Variants in HTR1F observed in about 807,000 individuals in gnomAD.
HTR1F encodes 5-hydroxytryptamine receptor 1F.
In HTR1F, 17 loss-of-function variants were observed where a neutral mutation model predicts 24.0. That is an observed-to-expected ratio of 0.71 (90% CI 0.48 to 1.06). HTR1F has a LOEUF of 1.06. Ranked by LOEUF, HTR1F falls within the 50% of genes least tolerant of loss-of-function variation. The pLI is 0.00. For synonymous variants in HTR1F, 186 were observed against 156.8 expected, an observed-to-expected ratio of 1.19 and a Z score of -1.39; for missense variants, 391 against 427.8, an observed-to-expected ratio of 0.91 and a Z score of 0.76.
intron 2 of HTR1F, among the ~76,000 whole-genome samples, chr3:87,944,781 T>G (rs995169953): frequency 2.2e-4 from 34 of 152,212 alleles, no homozygotes; most frequent in Admixed American, 5.2e-4. Context: ...TTTCTTCTGT[T>G]AGCAAAGCAG....
intron 2 of HTR1F, among the ~76,000 whole-genome samples, chr3:87,902,758 C>T (rs1025579933): frequency 8.5e-6 from 1 of 117,618 alleles, no homozygotes; most frequent in Non-Finnish European, 1.7e-5. Flanking sequence ...CTCCCCCCAC[C>T]CCACAACAGT....
intron 2 of HTR1F, among the ~76,000 whole-genome samples, chr3:87,898,211 G>A (rs1401189276): frequency 6.6e-6 from 1 of 152,148 alleles, no homozygotes; most frequent in African/African-American, 2.4e-5. Flanking sequence ...AGAGCTCTGA[G>A]TAAGATTACT....
At chr3:87,969,897 C>T (rs1705250071) in intron 2 of HTR1F, among the ~76,000 whole-genome samples, 1 of 152,152 alleles carries the variant, frequency 6.6e-6, no homozygotes, top group East Asian at 1.9e-4. Flanking sequence ...ATTCTGTTCT[C>T]ATGGTAGTAA....
At chr3:87,852,781 C>G (rs1402102513) in intron 2 of HTR1F, among the ~76,000 whole-genome samples, 1 of 151,642 alleles carries the variant, frequency 6.6e-6, no homozygotes, top group African/African-American at 2.4e-5. Context: ...TCTTAGACAT[C>G]TATTCTTCCG....
chr3:87,795,496 A>C lies in HTR1F; in HGVS notation c.-160+2654A>C, dbSNP rs114896006. Among the ~76,000 whole-genome samples, 664 of 152,192 alleles carry C rather than the reference A, an allele frequency of 4.4e-3. 6 individuals are homozygous for C. The highest frequency in any genetic ancestry group is 0.014 in the African/African-American group (597 of 41,516). ...CATGGCAGGATTCTCTTTTTTTTCC[A>C]ATATGAAAGGTGGACGGGATGCTGT... On this transcript the variant is annotated intron_variant, in intron 1 of 2. Coordinates refer to ENST00000319595, the MANE Select transcript of HTR1F (RefSeq NM_001322209.2).
At chr3:87,986,977 G>A (rs1324561945) in intron 2 of HTR1F, among the ~76,000 whole-genome samples, 4 of 151,970 alleles carry the variant, frequency 2.6e-5, no homozygotes, top group Non-Finnish European at 4.4e-5. Context: ...GTGGTGACAC[G>A]TGCCTGTAAT....
intron 2 of HTR1F, among the ~76,000 whole-genome samples, chr3:87,867,379 T>C (rs1476112302): frequency 6.6e-6 from 1 of 151,896 alleles, no homozygotes; most frequent in Non-Finnish European, 1.5e-5. Context: ...CTCTCTCATA[T>C]ATTTTCTCTT....
intron 2 of HTR1F, among the ~76,000 whole-genome samples, chr3:87,931,868 A>T (rs1011274523): frequency 1.3e-5 from 2 of 150,194 alleles, no homozygotes; most frequent in Non-Finnish European, 3.0e-5. Context: ...GTCTGTTCAT[A>T]TCCTTTGCCC....
At chr3:87,796,213 A>ATCT (rs1488877258) in intron 1 of HTR1F, among the ~76,000 whole-genome samples, 2 of 152,148 alleles carry the variant, frequency 1.3e-5, no homozygotes, top group East Asian at 1.9e-4. Flanking sequence ...CAAAGGTGAC[A>ATCT]AGACTTGATG....
intron 1 of HTR1F, among the ~76,000 whole-genome samples, chr3:87,818,939 T>C (rs1417327191): frequency 3.9e-5 from 6 of 152,180 alleles, no homozygotes; most frequent in Non-Finnish European, 7.3e-5. Flanking sequence ...TTATTGCTGG[T>C]TTAATAAACA....
chr3:87,987,700 T>C (rs868212842), intron 2 of HTR1F, among the ~76,000 whole-genome samples: 6 of 121,940 alleles, frequency 4.9e-5, no homozygotes, highest in South Asian at 2.5e-4. Context: ...ATATAAAATA[T>C]ATGTATTATA....
At chr3:87,922,347 G>A (rs1207906490) in intron 2 of HTR1F, among the ~76,000 whole-genome samples, 2 of 151,126 alleles carry the variant, frequency 1.3e-5, no homozygotes, top group African/African-American at 2.4e-5. Context: ...ATTTATATCA[G>A]TGCCCATTTT....
chr3:87,803,064 T>C (rs928582661), intron 1 of HTR1F, among the ~76,000 whole-genome samples: 1 of 152,156 alleles, frequency 6.6e-6, no homozygotes, highest in Non-Finnish European at 1.5e-5. Context: ...GTCTAGATTG[T>C]ATGATTTGGA....
At chr3:87,912,076 C>G (rs931952146) in intron 2 of HTR1F, among the ~76,000 whole-genome samples, 2 of 151,798 alleles carry the variant, frequency 1.3e-5, no homozygotes, top group African/African-American at 4.8e-5. Context: ...AGCAATCAGA[C>G]AAGAGAAAGA....
At chr3:87,896,533 C>A (rs769688356) in intron 2 of HTR1F, among the ~76,000 whole-genome samples, 8 of 152,056 alleles carry the variant, frequency 5.3e-5, no homozygotes, top group Non-Finnish European at 1.2e-4. Flanking sequence ...ACTATCACAC[C>A]AAAAGCTCAG....
At position 87,936,443 on chromosome 3, in the gene HTR1F, T is replaced by C. The variant is rs112522114; in HGVS notation, c.-42-54265T>C. Among the ~76,000 whole-genome samples, 573 of 152,314 alleles carry C rather than the reference T, an allele frequency of 3.8e-3. 4 individuals carry two copies. Among genetic ancestry groups the C allele is most frequent in the African/African-American group, 0.013 (548 of 41,568 alleles). ...ACGACTGCTTTAGGATTTATCTTTTTAAAAACTTTATCATCTAGTTATTAA... is the reference window on the plus strand; with the variant it reads ...ACGACTGCTTTAGGATTTATCTTTTCAAAAACTTTATCATCTAGTTATTAA... On this transcript the variant is annotated intron_variant, in intron 2 of 2. Coordinates refer to ENST00000319595, the MANE Select transcript of HTR1F (RefSeq NM_001322209.2).
At chr3:87,956,204 T>A (rs1265305445) in intron 2 of HTR1F, among the ~76,000 whole-genome samples, 1 of 151,452 alleles carries the variant, frequency 6.6e-6, no homozygotes, top group Admixed American at 6.6e-5. Flanking sequence ...CATTTCAAGT[T>A]AATTTTTGTG....
chr3:87,991,142 T>C lies in HTR1F; in HGVS notation c.393T>C (p.Tyr131=). The C allele has an allele frequency of 6.2e-7, 1 of 1,614,120 alleles. No individual in the cohort carries two copies. Among genetic ancestry groups the C allele is most frequent in the Non-Finnish European group, 8.5e-7 (1 of 1,180,030 alleles). ...RYRAITDAVE[Y]ARKRTPKHAG... is the part of the protein sequence containing the mutation. Reference sequence around the variant, plus strand: ...GAGCAATCACAGATGCTGTTGAGTATGCCAGGAAAAGGACTCCAAAGCATG... The same window carrying C: ...GAGCAATCACAGATGCTGTTGAGTACGCCAGGAAAAGGACTCCAAAGCATG... The change falls in exon 3 of 3, where the codon TAT becomes TAC. Residue 131 remains tyrosine (Y), a synonymous_variant. Transcript: ENST00000319595.
At chr3:87,823,261 T>G (rs1466534502) in intron 2 of HTR1F, among the ~76,000 whole-genome samples, 2 of 152,208 alleles carry the variant, frequency 1.3e-5, no homozygotes, top group African/African-American at 4.8e-5. Context: ...CATTAGATTT[T>G]GAAAATCTCA....
Sources: allele counts gnomAD v4.1 joint callset (sites outside exome capture counted in the v4.1 genomes callset), GRCh38; gene constraint gnomAD v4.1.1; transcripts MANE v1.5; gene names NCBI Gene and HGNC (gene_info 2026-07-23, HGNC 2026-07-21).